Variants in HIRA observed in about 807,000 individuals in gnomAD.
HIRA encodes protein HIRA.
A neutral mutation model predicts 126.6 loss-of-function variants in HIRA; 13 were observed. That is an observed-to-expected ratio of 0.10 (90% CI 0.07 to 0.16). The LOEUF is 0.16. Among genes scored for constraint, HIRA ranks in the 10% least tolerant of loss-of-function variants. The pLI, the probability that HIRA is intolerant of heterozygous loss-of-function variation, is 1.00. For synonymous variants in HIRA, 511 were observed against 520.0 expected, an observed-to-expected ratio of 0.98 and a Z score of 0.24; for missense variants, 834 against 1,314.4, an observed-to-expected ratio of 0.63 and a Z score of 5.65.
chr22:19,375,876 TA>T, intron 14 of HIRA, 84 bp from the exon 15 acceptor site: 4 of 1,393,362 alleles, frequency 2.9e-6, no homozygotes, highest in East Asian at 2.4e-5. Flanking sequence ...TGGAGCCTAC[TA>T]AAAAAGGCAC....
At position 19,410,770 on chromosome 22, in the gene HIRA, T is replaced by C; in HGVS notation, c.46A>G (p.Ile16Val). ...TCAGGGTGAATATCAACTGAAAAAA[T>C]CGGCTTGCCTGGAAACAAAGAAAAA... ...PTWVNHNGKP[I>V]FSVDIHPDGT... Residue 16 changes from isoleucine to valine, a missense_variant, in exon 2 of 25, where the codon ATT becomes GTT. By Grantham distance (29) the Ile-to-Val change is conservative (BLOSUM62 3). This residue lies in a region of HIRA where 102 missense variants were observed against 191.4 expected (regional missense o/e 0.53). Transcript: ENST00000263208. 1 of 1,613,626 alleles carries C rather than the reference T, an allele frequency of 6.2e-7. No individual in the cohort carries two copies. The highest frequency in any genetic ancestry group is 8.5e-7 in the Non-Finnish European group (1 of 1,179,852).
rs1556004410 is a variant in HIRA at position 19,331,134 on chromosome 22, G to A, written c.*306C>T. Reference sequence around the variant, plus strand: ...AGCAGGGGCTAGTGTCCACCTTGGGGCCGTGCTGGAGACGGCAGGCCTGGG... The same window carrying A: ...AGCAGGGGCTAGTGTCCACCTTGGGACCGTGCTGGAGACGGCAGGCCTGGG... On this transcript the variant is annotated 3_prime_UTR_variant, in exon 25 of 25. Coordinates refer to ENST00000263208, the MANE Select transcript of HIRA (RefSeq NM_003325.4). The A allele has an allele frequency of 1.5e-6, 2 of 1,309,340 alleles. No homozygotes were observed. 81.1% of individuals were successfully genotyped at this position (1,309,340 alleles called of 1,614,324 possible). A position where few individuals can be genotyped will look rare whatever the true frequency, so the allele number is the denominator to read the frequency against.
At chr22:19,356,830 G>T in intron 19 of HIRA, 60 bp downstream of exon 19, 1 of 1,535,196 alleles carries the variant, frequency 6.5e-7, no homozygotes. Flanking sequence ...GTGAGGTGGG[G>T]CCTACACAGC....
intron 15 of HIRA, among the ~76,000 whole-genome samples, chr22:19,372,464 A>G (rs191175928): frequency 6.6e-6 from 1 of 152,108 alleles, no homozygotes; most frequent in Non-Finnish European, 1.5e-5. Context: ...AGTTATTTAT[A>G]TAATTTAAAT....
rs369503044 is a variant in HIRA, at chr22:19,374,005, G to A, written c.1775+1626C>T. ...TGAACTAGTTATTCATTTTAGGGAC[G>A]AGGGTTGCATTTAATCCAGCATTTC... On this transcript the variant is annotated intron_variant, in intron 15 of 24. Coordinates refer to ENST00000263208, the MANE Select transcript of HIRA (RefSeq NM_003325.4). Among the ~76,000 whole-genome samples the A allele has an allele frequency of 4.1e-4, 63 of 151,968 alleles. 1 individual carries two copies. In the South Asian group the frequency reaches 0.011, roughly 26 times the overall value.
At chr22:19,334,977 G>A (rs1208965563) in intron 24 of HIRA, among the ~76,000 whole-genome samples, 1 of 151,332 alleles carries the variant, frequency 6.6e-6, no homozygotes, top group Non-Finnish European at 1.5e-5. Context: ...TTACTGCTTT[G>A]GGATTTGTAT....
chr22:19,342,386 A>G (rs1490875808), intron 24 of HIRA, among the ~76,000 whole-genome samples: 1 of 152,298 alleles, frequency 6.6e-6, no homozygotes, highest in East Asian at 1.9e-4. Flanking sequence ...CGTGGAAAAC[A>G]GTATGGGGAC....
intron 15 of HIRA, among the ~76,000 whole-genome samples, chr22:19,368,099 G>A (rs1569297649): frequency 6.6e-6 from 1 of 152,108 alleles, no homozygotes; most frequent in Non-Finnish European, 1.5e-5. Flanking sequence ...GTATCCAAGA[G>A]CCCTCATCCC....
At chr22:19,376,768 C>T (rs1161419430) in intron 14 of HIRA, among the ~76,000 whole-genome samples, 1 of 152,190 alleles carries the variant, frequency 6.6e-6, no homozygotes, top group Non-Finnish European at 1.5e-5. Context: ...ACATAAGACT[C>T]CATTCCACCA....
chr22:19,389,024 A>C (rs1337285667), intron 9 of HIRA, among the ~76,000 whole-genome samples: 1 of 152,174 alleles, frequency 6.6e-6, no homozygotes, highest in Non-Finnish European at 1.5e-5. Context: ...TCCAAGGCTC[A>C]TTCTACACTA....
chr22:19,382,267 A>C (rs992773744), intron 13 of HIRA, among the ~76,000 whole-genome samples: 9 of 152,074 alleles, frequency 5.9e-5, no homozygotes, highest in South Asian at 2.1e-4. Flanking sequence ...AGCCACCTAC[A>C]CCTTCTCACC....
intron 22 of HIRA, 41 bp downstream of exon 22, chr22:19,353,955 G>A: frequency 6.2e-7 from 1 of 1,605,790 alleles, no homozygotes; most frequent in Non-Finnish European, 8.5e-7. Context: ...CTTCCCCAGG[G>A]CAGGACTAAG....
In HIRA at chr22:19,398,091, A is replaced by G; in HGVS notation, c.398-4T>C. The G allele has an allele frequency of 6.2e-7, 1 of 1,612,072 alleles. No homozygotes were observed. ...GACCATGCTACATCCATCACATCTG[A>G]AAGAAGACAGAGGGTTCTGGTGAGA... On this transcript the variant is annotated splice_region_variant and splice_polypyrimidine_tract_variant and intron_variant, in intron 5 of 24. Transcript: ENST00000263208.
At chr22:19,373,940 TCACTCTTAGA>T (rs2088992505) in intron 15 of HIRA, among the ~76,000 whole-genome samples, 11 of 149,846 alleles carry the variant, frequency 7.3e-5, no homozygotes, top group Admixed American at 6.7e-5. Flanking sequence ...GCTTTTTTGT[TCACTCTTAGA>T]TTTTAGACTC....
chr22:19,331,036 A>G lies in HIRA; in HGVS notation c.*404T>C. The G allele has an allele frequency of 1.3e-6, 1 of 774,352 alleles. No individual in the cohort carries two copies. The highest frequency in any genetic ancestry group is 1.8e-5 in the South Asian group (1 of 55,500). The allele number at this position is 774,352 out of a possible 1,614,324, so 48.0% of individuals were successfully genotyped here. A position where few individuals can be genotyped will look rare whatever the true frequency, so the allele number is the denominator to read the frequency against. Reference sequence around the variant, plus strand: ...ATAGGTCTTAGGTCAGTCTGCTGTAATACCTAACGCTTCCGGATTCTCTCT... The same window carrying G: ...ATAGGTCTTAGGTCAGTCTGCTGTAGTACCTAACGCTTCCGGATTCTCTCT... On this transcript the variant is annotated 3_prime_UTR_variant, in exon 25 of 25. Coordinates refer to ENST00000263208, the MANE Select transcript of HIRA (RefSeq NM_003325.4).
At chr22:19,342,634 C>T (rs1374927323) in intron 24 of HIRA, among the ~76,000 whole-genome samples, 3 of 152,142 alleles carry the variant, frequency 2.0e-5, no homozygotes, top group East Asian at 3.9e-4. Flanking sequence ...GTGATCTTTC[C>T]GCCTCAGCCT....
chr22:19,390,757 T>C (rs2089173435), intron 9 of HIRA, among the ~76,000 whole-genome samples: 1 of 152,030 alleles, frequency 6.6e-6, no homozygotes, highest in Non-Finnish European at 1.5e-5. Flanking sequence ...TGTGTGTCTT[T>C]TTCTGTGGAC....
chr22:19,394,611 G>T, intron 7 of HIRA, 102 bp from the exon 8 acceptor site: 1 of 1,178,938 alleles, frequency 8.5e-7, no homozygotes, highest in Non-Finnish European at 1.2e-6. Flanking sequence ...AATGTGTGAT[G>T]GTGGAGCATG....
At chr22:19,336,394 C>T (rs2088567743) in intron 24 of HIRA, among the ~76,000 whole-genome samples, 1 of 152,254 alleles carries the variant, frequency 6.6e-6, no homozygotes, top group Admixed American at 6.5e-5. Flanking sequence ...CTCTGGTGCT[C>T]TCTCAAAAGT....
Sources: gnomAD v4.1 joint callset for allele counts (sites outside exome capture counted in the v4.1 genomes callset) on GRCh38, gnomAD v4.1.1 for gene constraint, gnomAD v4.1.1 regional missense constraint, MANE v1.5 for transcripts, NCBI Gene and HGNC (gene_info 2026-07-23, HGNC 2026-07-21) for gene names.